The following ULK1 variants were observed in gnomAD, a reference collection of about 807,000 sequenced individuals.
The protein encoded by ULK1 is unc-51 like autophagy activating kinase 1.
Under a neutral mutation model 117.5 loss-of-function variants are expected in ULK1, and 48 were observed. The observed-to-expected ratio is 0.41, with a 90% CI of 0.32 to 0.52. The LOEUF is 0.52. Among genes scored for constraint, ULK1 ranks in the 20% least tolerant of loss-of-function variants. ULK1 has a pLI of 0.29. For synonymous variants in ULK1, 790 were observed against 637.8 expected (o/e 1.24, Z -3.60); for missense variants, 1,387 against 1,473.4 (o/e 0.94, Z 0.96).
At position 131,917,523 on chromosome 12, in the gene ULK1, C is replaced by T. The variant is rs527255686; in HGVS notation, c.2295C>T (p.Pro765=). ...GCTCTCCCCCGAGCGGGAGCACGCCCCCCCAGGGCCCCCGCACCAGGATGT... is the reference window on the plus strand; with the variant it reads ...GCTCTCCCCCGAGCGGGAGCACGCCTCCCCAGGGCCCCCGCACCAGGATGT... The part of the protein sequence containing the change: ...TVGSPPSGST[P]PQGPRTRMFS... The change falls in exon 22 of 28, where the codon CCC becomes CCT. Residue 765 remains proline (P), a synonymous_variant. Transcript: ENST00000321867. 6.2e-6 allele frequency: 9 copies of T among 1,449,480 alleles called. No individual in the cohort carries two copies. The South Asian group carries it at 1.2e-4, about 19-fold the overall frequency. The allele number at this position is 1,449,480 out of a possible 1,614,324, so 89.8% of individuals were successfully genotyped here.
At position 131,916,125 on chromosome 12, in the gene ULK1, AC is replaced by A; in HGVS notation, c.1849del (p.Leu617CysfsTer30). ...SPKLPDFLQRNPLPPILGSPT... is the reference protein window; with the variant it reads ...SPKLPDFLQRXPLPPILGSPT... ...AAGCTGCCCGACTTCCTGCAGCGAA[AC>A]CCCCTGCCCCCCATCCTGGGCTCCC... On this transcript the variant is annotated frameshift_variant, in exon 19 of 28. Transcript: ENST00000321867. LOFTEE classifies it high-confidence loss of function. 1 of 1,609,912 alleles carries A rather than the reference AC, an allele frequency of 6.2e-7. No homozygotes were observed. Among genetic ancestry groups the A allele is most frequent in the Non-Finnish European group, 8.5e-7 (1 of 1,179,108 alleles).
At position 131,920,982 on chromosome 12, in the gene ULK1, C is replaced by T. The variant is rs904423950; in HGVS notation, c.2962-118C>T. Reference sequence around the variant, plus strand: ...GGCTGCACCAGCACTTATGTCTCCACGTCACTGCCCTGAGCGCCTATCTGC... The same window carrying T: ...GGCTGCACCAGCACTTATGTCTCCATGTCACTGCCCTGAGCGCCTATCTGC... On this transcript the variant is annotated intron_variant, in intron 26 of 27. Transcript: ENST00000321867. The T allele has an allele frequency of 1.7e-5, 23 of 1,381,948 alleles. No individual in the cohort carries two copies. In the Admixed American group the frequency reaches 1.8e-4, roughly 11 times the overall value. The allele number at this position is 1,381,948 out of a possible 1,614,324, so 85.6% of individuals were successfully genotyped here.
chr12:131,921,280 C>T (rs1314712139), intron 27 of ULK1, 26 bp from the exon 28 acceptor site: 17 of 1,608,046 alleles, frequency 1.1e-5, no homozygotes, highest in African/African-American at 2.7e-5. Flanking sequence ...TGGGCGTCTC[C>T]CTCACACTCC....
chr12:131,919,501 A>G lies in ULK1; in HGVS notation c.2714A>G (p.Lys905Arg). ...GCGGAACAGCTGGTGCTGTACCTGA[A>G]GGTGGCCGAGCTACTGTCCTCCGGC... is the stretch of plus-strand genomic sequence containing the variant. Reference protein sequence around the residue: ...GFAEQLVLYLKVAELLSSGLQ... With the variant: ...GFAEQLVLYLRVAELLSSGLQ... The change falls in exon 25 of 28, where the codon AAG becomes AGG. Residue 905 changes from lysine to arginine, a missense_variant. By Grantham distance (26) the Lys-to-Arg change is conservative. Transcript: ENST00000321867. 1 of 1,611,936 alleles carries G rather than the reference A, an allele frequency of 6.2e-7. No homozygotes were observed. Among genetic ancestry groups the G allele is most frequent in the East Asian group, 2.2e-5 (1 of 44,872 alleles).
chr12:131,913,928 G>GGACACAGCAGGC, intron 15 of ULK1, 92 bp downstream of exon 15: 1 of 1,166,498 alleles, frequency 8.6e-7, no homozygotes, highest in Non-Finnish European at 1.1e-6. Context: ...GCCCAGGCCT[G>GGACACAGCAGGC]CTGTGTCCAG....
Position 131,914,394 on chromosome 12 carries a change from C to T in ULK1, c.1290C>T (p.Val430=). 6.2e-7 allele frequency: 1 copy of T among 1,612,594 alleles called. No homozygotes were observed. The highest frequency in any genetic ancestry group is 8.5e-7 in the Non-Finnish European group (1 of 1,179,972). Residue 430 remains valine (V), a synonymous_variant, in exon 16 of 28, where the codon GTC becomes GTT. Coordinates refer to ENST00000321867, the MANE Select transcript of ULK1 (RefSeq NM_003565.4). ...PFSSSRCGAS[V]PIPVPTQVQN... ...CCAGCAGCAGGTGCGGCGCCTCTGT[C>T]CCCATCCCAGTCCCCACGCAGGTGC...
chr12:131,908,561 T>A, intron 5 of ULK1, 83 bp from the exon 6 acceptor site: 1 of 1,396,656 alleles, frequency 7.2e-7, no homozygotes, highest in Non-Finnish European at 9.3e-7. Flanking sequence ...TCCATCCGTG[T>A]GGCGGGACCG....
At chr12:131,910,976 C>A (rs1390792786) in intron 12 of ULK1, among the ~76,000 whole-genome samples, 176 bp downstream of exon 12, 1 of 152,228 alleles carries the variant, frequency 6.6e-6, no homozygotes, top group African/African-American at 2.4e-5. Context: ...GACAGCCCCT[C>A]CCAACACCCA....
chr12:131,914,486 G>A lies in ULK1; in HGVS notation c.1373+9G>A, dbSNP rs548933511. The stretch of plus-strand genomic sequence containing the variant: ...CAGTTCCAAACACCTCGGTGAGTGT[G>A]GAGCCCCCAGGTAGCCAGGCGTGGC... On this transcript the variant is annotated intron_variant, in intron 16 of 27. Coordinates refer to ENST00000321867, the MANE Select transcript of ULK1 (RefSeq NM_003565.4). 1 of 1,609,588 alleles carries A rather than the reference G, an allele frequency of 6.2e-7. No individual in the cohort carries two copies. Among genetic ancestry groups the A allele is most frequent in the Non-Finnish European group, 8.5e-7 (1 of 1,177,634 alleles).
In ULK1 at chr12:131,922,170, C is replaced by G. The variant is rs564479142; in HGVS notation, c.*809C>G. The G allele has an allele frequency of 5.8e-4, 213 of 367,598 alleles. 5 individuals are homozygous for G. The highest frequency in any genetic ancestry group is 4.1e-3 in the South Asian group (204 of 50,244). 22.8% of individuals were successfully genotyped at this position (367,598 alleles called of 1,614,324 possible). A position where few individuals can be genotyped will look rare whatever the true frequency, so the allele number is the denominator to read the frequency against. On this transcript the variant is annotated 3_prime_UTR_variant, in exon 28 of 28. Transcript: ENST00000321867. ...AAACGTGTCTTATTTTTATGCAGCT[C>G]ATTTTTTCTTTAAAGGAGAAAACTT... is the stretch of plus-strand genomic sequence containing the variant.
In ULK1 at chr12:131,916,981, C is replaced by T. The variant is rs990140378; in HGVS notation, c.2101C>T (p.Leu701=). ...TTTCAGCACCAGCCGCCTCACTGAC[C>T]TGCTCCTTAAGGCGGCGTTTGGGAC... is the stretch of plus-strand genomic sequence containing the variant. ...RSFSTSRLTD[L]LLKAAFGTQA... Residue 701 remains leucine (L), a synonymous_variant, in exon 21 of 28, where the codon CTG becomes TTG. Coordinates refer to ENST00000321867, the MANE Select transcript of ULK1 (RefSeq NM_003565.4). 2 of 1,609,718 alleles carry T rather than the reference C, an allele frequency of 1.2e-6. No homozygotes were observed. The highest frequency in any genetic ancestry group is 1.7e-6 in the Non-Finnish European group (2 of 1,178,924).
Position 131,921,851 on chromosome 12 carries a change from A to G in ULK1, c.*490A>G, listed in dbSNP as rs777259960. 1.6e-4 allele frequency: 72 copies of G among 462,216 alleles called. No individual in the cohort carries two copies. Among genetic ancestry groups the G allele is most frequent in the Non-Finnish European group, 2.6e-4 (60 of 231,118 alleles). The allele number at this position is 462,216 out of a possible 1,614,324, so 28.6% of individuals were successfully genotyped here. ...AATCACCCAAGCACTTTATGCATATAGAGACAGAACCTGGACCTCACCAGG... is the reference window on the plus strand; with the variant it reads ...AATCACCCAAGCACTTTATGCATATGGAGACAGAACCTGGACCTCACCAGG... On this transcript the variant is annotated 3_prime_UTR_variant, in exon 28 of 28. Transcript: ENST00000321867.
intron 6 of ULK1, 33 bp downstream of exon 6, chr12:131,908,850 G>T (rs984376648): frequency 6.2e-7 from 1 of 1,606,628 alleles, no homozygotes. Context: ...GGGCCCGGCG[G>T]GGAGGGGCTC....
Position 131,913,801 on chromosome 12 carries a change from A to G in ULK1, c.1212A>G (p.Pro404=). 2 of 1,572,576 alleles carry G rather than the reference A, an allele frequency of 1.3e-6. No individual in the cohort carries two copies. Among genetic ancestry groups the G allele is most frequent in the Non-Finnish European group, 1.7e-6 (2 of 1,158,740 alleles). Residue 404 remains proline (P), a synonymous_variant, in exon 15 of 28, where the codon CCA becomes CCG. Coordinates refer to ENST00000321867, the MANE Select transcript of ULK1 (RefSeq NM_003565.4). ...GLESHGRTPS[P]SPPCSSSPSP... is the part of the protein sequence containing the mutation. The stretch of plus-strand genomic sequence containing the variant: ...AGAGCCACGGCCGGACCCCATCTCC[A>G]TCCCCACCCTGCAGCAGCTCCCCCA...
At chr12:131,908,261 G>C (rs565475260) in intron 5 of ULK1, among the ~76,000 whole-genome samples, 1 of 152,068 alleles carries the variant, frequency 6.6e-6, no homozygotes, top group South Asian at 2.1e-4. Flanking sequence ...GAGGCCGCGC[G>C]TAGCTGAGAC....
At chr12:131,916,201 G>C in intron 19 of ULK1, 42 bp downstream of exon 19, 3 of 1,589,176 alleles carry the variant, frequency 1.9e-6, no homozygotes, top group Non-Finnish European at 2.6e-6. Context: ...AGAGCCCTGG[G>C]GAAGATGTGT....
At chr12:131,918,407 G>A (rs1372878526) in intron 22 of ULK1, 90 bp from the exon 23 acceptor site, 2 of 1,447,422 alleles carry the variant, frequency 1.4e-6, no homozygotes, top group Non-Finnish European at 1.9e-6. Flanking sequence ...AGGCACATTG[G>A]GCCCTGGAGG....
In ULK1 at chr12:131,916,508, C is replaced by T. The variant is rs150547984; in HGVS notation, c.1989C>T (p.Asp663=). 435 of 1,612,124 alleles carry T rather than the reference C, an allele frequency of 2.7e-4. 1 individual carries two copies. The highest frequency in any genetic ancestry group is 3.5e-4 in the Non-Finnish European group (418 of 1,179,800). The change falls in exon 20 of 28, where the codon GAC becomes GAT. Residue 663 remains aspartate (D), a synonymous_variant. Transcript: ENST00000321867. ...MTPPRNRTLP[D]LSEVGPFHGQ... ...CCCCTCGAAACCGGACGCTGCCCGA[C>T]CTCTCGGAGGTGGGACCCTTCCATG... is the stretch of plus-strand genomic sequence containing the variant.
At chr12:131,913,977 G>A in intron 15 of ULK1, 141 bp downstream of exon 15, 1 of 766,286 alleles carries the variant, frequency 1.3e-6, no homozygotes, top group Admixed American at 3.7e-5. Flanking sequence ...GCAGGATGGG[G>A]TCTGCTGGGT....
Sources: allele counts gnomAD v4.1 joint callset (sites outside exome capture counted in the v4.1 genomes callset), GRCh38; gene constraint gnomAD v4.1.1; transcripts MANE v1.5; gene names NCBI Gene and HGNC (gene_info 2026-07-23, HGNC 2026-07-21).